The following MGMT variants were observed in gnomAD, a reference collection of about 807,000 sequenced individuals.
The protein encoded by MGMT is methylated-DNA--protein-cysteine methyltransferase.
A neutral mutation model predicts 15.9 loss-of-function variants in MGMT; 14 were observed. That is an observed-to-expected ratio of 0.88 (90% CI 0.58 to 1.37). The LOEUF is 1.37. Among genes scored for constraint, MGMT ranks in the 40% most tolerant of loss-of-function variants. The pLI is 0.00. For synonymous variants in MGMT, 130 were observed against 118.2 expected (o/e 1.10, Z -0.65); for missense variants, 282 against 268.1 (o/e 1.05, Z -0.36).
intron 2 of MGMT, among the ~76,000 whole-genome samples, chr10:129,633,491 A>T (rs990544333): frequency 7.9e-5 from 12 of 152,262 alleles, no homozygotes; most frequent in African/African-American, 2.9e-4. Flanking sequence ...GATGAAGATC[A>T]AGGAATTTCC....
At chr10:129,474,394 A>T (rs924421787) in intron 1 of MGMT, among the ~76,000 whole-genome samples, 1 of 152,094 alleles carries the variant, frequency 6.6e-6, no homozygotes, top group Non-Finnish European at 1.5e-5. Context: ...GTGAGAGCGG[A>T]GCAGGTGGGA....
chr10:129,740,214 T>A (rs994396505), intron 3 of MGMT, among the ~76,000 whole-genome samples: 1 of 152,206 alleles, frequency 6.6e-6, no homozygotes, highest in African/African-American at 2.4e-5. Flanking sequence ...TGGGCTCTCA[T>A]TGACCCCAGG....
intron 2 of MGMT, among the ~76,000 whole-genome samples, chr10:129,665,399 A>G (rs1415552057): frequency 1.3e-5 from 2 of 151,808 alleles, no homozygotes; most frequent in Non-Finnish European, 2.9e-5. Context: ...GAGTAAGTAG[A>G]TAAGCTGTAG....
intron 3 of MGMT, among the ~76,000 whole-genome samples, chr10:129,734,794 C>T (rs1375354252): frequency 3.3e-5 from 5 of 152,042 alleles, no homozygotes; most frequent in South Asian, 2.1e-4. Context: ...TTGTCAAAGG[C>T]CTTTTCTGCA....
chr10:129,511,302 G>A (rs1366058639), intron 1 of MGMT, among the ~76,000 whole-genome samples: 1 of 151,340 alleles, frequency 6.6e-6, no homozygotes, highest in African/African-American at 2.4e-5. Context: ...ACCAGATGCA[G>A]CCACGTGCTT....
intron 2 of MGMT, 144 bp from the exon 3 acceptor site, chr10:129,707,751 T>C (rs1848181641): frequency 2.7e-6 from 3 of 1,132,000 alleles, no homozygotes; most frequent in Non-Finnish European, 1.3e-6. Flanking sequence ...CCAGTCCCCC[T>C]TTCTGCTGCA....
chr10:129,712,080 C>T (rs757147917), intron 3 of MGMT, among the ~76,000 whole-genome samples: 3 of 152,154 alleles, frequency 2.0e-5, no homozygotes, highest in Admixed American at 6.5e-5. Flanking sequence ...AGCAGACCTA[C>T]GGAAAGCGAG....
intron 2 of MGMT, among the ~76,000 whole-genome samples, chr10:129,596,996 C>T (rs1846758959): frequency 6.6e-6 from 1 of 152,164 alleles, no homozygotes; most frequent in African/African-American, 2.4e-5. Context: ...GTGAAGGTCT[C>T]TGCTGGAGAT....
intron 4 of MGMT, 22 bp downstream of exon 4, chr10:129,759,363 A>G: frequency 6.2e-7 from 1 of 1,613,900 alleles, no homozygotes. Flanking sequence ...TGGCGCAAGC[A>G]TGGCTGTGGG....
Position 129,650,579 on chromosome 10 carries a change from C to T in MGMT, c.126-57316C>T, listed in dbSNP as rs118184493. On this transcript the variant is annotated intron_variant, in intron 2 of 4. Coordinates refer to ENST00000651593, the MANE Select transcript of MGMT (RefSeq NM_002412.5). ...TTGTTCTTTTTGCGAGGAAGAGATC[C>T]ATGGGTTGGCTCTTACTGAACATGA... Among the ~76,000 whole-genome samples, 648 of 152,286 alleles carry T rather than the reference C, an allele frequency of 4.3e-3. 3 individuals are homozygous for T. The highest frequency in any genetic ancestry group is 0.01 in the Middle Eastern group (3 of 294).
intron 3 of MGMT, chr10:129,715,384 G>A (rs1848282101): frequency 6.6e-6 from 1 of 152,222 alleles, no homozygotes; most frequent in South Asian, 2.1e-4. Context: ...GTGAGGAAAT[G>A]TAAATTGCAT....
intron 2 of MGMT, among the ~76,000 whole-genome samples, chr10:129,563,096 C>G (rs1261771446): frequency 6.6e-6 from 1 of 152,140 alleles, no homozygotes; most frequent in Non-Finnish European, 1.5e-5. Flanking sequence ...GTGTTGTGAG[C>G]ACGTTTAAGG....
rs187445032 is a variant in MGMT at position 129,564,996 on chromosome 10, A to T, written c.125+28619A>T. 5.9e-5 allele frequency among the ~76,000 whole-genome samples: 9 copies of T among 152,228 alleles called. No individual in the cohort carries two copies. The East Asian group carries it at 1.7e-3, about 30-fold the overall frequency. On this transcript the variant is annotated intron_variant, in intron 2 of 4. Transcript: ENST00000651593. ...CTGCAGGCTGCCTTGTCTTTCCCCC[A>T]GCAGATTAAAGCCTTCATGAAAAAA... is the stretch of plus-strand genomic sequence containing the variant.
chr10:129,692,087 G>C (rs901932978), intron 2 of MGMT, among the ~76,000 whole-genome samples: 1 of 152,226 alleles, frequency 6.6e-6, no homozygotes, highest in African/African-American at 2.4e-5. Context: ...GGGGATGGCA[G>C]CTGCCATGAT....
intron 3 of MGMT, among the ~76,000 whole-genome samples, chr10:129,729,618 A>G (rs910418774): frequency 1.7e-4 from 26 of 152,324 alleles, no homozygotes; most frequent in African/African-American, 5.8e-4. Context: ...AGAGCTTCTC[A>G]TTTCTCTGCA....
rs143543401 is a variant in MGMT, at chr10:129,506,891, C to T, written c.-12-29350C>T. Among the ~76,000 whole-genome samples, 497 of 151,180 alleles carry T rather than the reference C, an allele frequency of 3.3e-3. 3 individuals carry two copies. The highest frequency in any genetic ancestry group is 9.1e-3 in the African/African-American group (374 of 41,144). ...TTGGATGTTGTCATCTTCAGGGCAT[C>T]TTCTCTGGGTTTCTTTGAGATCAAC... On this transcript the variant is annotated intron_variant, in intron 1 of 4. Coordinates refer to ENST00000651593, the MANE Select transcript of MGMT (RefSeq NM_002412.5).
At chr10:129,539,651 C>T (rs957561153) in intron 2 of MGMT, among the ~76,000 whole-genome samples, 11 of 152,220 alleles carry the variant, frequency 7.2e-5, no homozygotes, top group East Asian at 3.9e-4. Context: ...AGACTACAGG[C>T]GCCTGCTGCC....
intron 3 of MGMT, among the ~76,000 whole-genome samples, chr10:129,709,592 A>G (rs1848207417): frequency 6.6e-6 from 1 of 152,152 alleles, no homozygotes; most frequent in Non-Finnish European, 1.5e-5. Flanking sequence ...AGGTCTCAGG[A>G]CAGAAAAGTT....
chr10:129,514,120 A>G (rs1845712974), intron 1 of MGMT, among the ~76,000 whole-genome samples: 1 of 152,224 alleles, frequency 6.6e-6, no homozygotes, highest in Non-Finnish European at 1.5e-5. Flanking sequence ...TGCAATTTAG[A>G]TAAAATGTAC....
Sources: gnomAD v4.1 joint callset for allele counts (sites outside exome capture counted in the v4.1 genomes callset) on GRCh38, gnomAD v4.1.1 for gene constraint, MANE v1.5 for transcripts, NCBI Gene and HGNC (gene_info 2026-07-23, HGNC 2026-07-21) for gene names.